The following TTC17 variants were observed in gnomAD, a reference collection of about 807,000 sequenced individuals.
TTC17 encodes tetratricopeptide repeat protein 17.
Under a neutral mutation model 143.8 loss-of-function variants are expected in TTC17, and 58 were observed. The ratio of observed to expected loss-of-function variants is 0.40; its 90% CI spans 0.33 to 0.50. TTC17 has a LOEUF of 0.50. Ranked by LOEUF, TTC17 falls within the 20% of genes least tolerant of loss-of-function variation. The probability of loss-of-function intolerance (pLI) is 0.49; values close to 1 mark genes in which losing one functional copy is unlikely to be tolerated. For synonymous variants in TTC17, 501 were observed against 497.8 expected, an observed-to-expected ratio of 1.01 and a Z score of -0.09; for missense variants, 1,273 against 1,392.5, an observed-to-expected ratio of 0.91 and a Z score of 1.37.
Position 43,404,083 on chromosome 11 carries a change from A to G in TTC17, c.1418A>G (p.Lys473Arg), listed in dbSNP as rs762397394. 10 of 1,613,374 alleles carry G rather than the reference A, an allele frequency of 6.2e-6. No individual in the cohort carries two copies. Among genetic ancestry groups the G allele is most frequent in the Non-Finnish European group, 7.6e-6 (9 of 1,179,668 alleles). Residue 473 changes from lysine to arginine, a missense_variant, in exon 11 of 24, where the codon AAG becomes AGG. Coordinates refer to ENST00000039989, the MANE Select transcript of TTC17 (RefSeq NM_018259.6). ...SNQSDINDSVKSSPVAHSILW... is the reference protein window; with the variant it reads ...SNQSDINDSVRSSPVAHSILW... ...CAGAGTGATATCAATGATTCGGTCA[A>G]GTCTTCTCCCGTAGCCCATTCTATT...
At chr11:43,388,737 GC>G (rs2134517116) in intron 2 of TTC17, among the ~76,000 whole-genome samples, 1 of 151,782 alleles carries the variant, frequency 6.6e-6, no homozygotes, top group South Asian at 2.1e-4. Context: ...ACTCTGTGAG[GC>G]CAAGGCAGGT....
In TTC17 at chr11:43,429,481, T is replaced by C. The variant is rs527956700; in HGVS notation, c.2252-13844T>C. On this transcript the variant is annotated intron_variant, in intron 16 of 23. Transcript: ENST00000039989. ...GTGCCAAAGTCCCACATGTCACCTGTAGTAAAAGCTTCCTGGTAATATTTT... is the reference window on the plus strand; with the variant it reads ...GTGCCAAAGTCCCACATGTCACCTGCAGTAAAAGCTTCCTGGTAATATTTT... Among the ~76,000 whole-genome samples, 27 of 152,322 alleles carry C rather than the reference T, an allele frequency of 1.8e-4. No individual in the cohort carries two copies. In the South Asian group the frequency reaches 4.1e-3, roughly 23 times the overall value.
intron 23 of TTC17, among the ~76,000 whole-genome samples, chr11:43,492,743 G>C (rs1948496129): frequency 6.6e-6 from 1 of 152,192 alleles, no homozygotes; most frequent in Non-Finnish European, 1.5e-5. Flanking sequence ...TAGTTTCATG[G>C]AATACCATTT....
intron 1 of TTC17, among the ~76,000 whole-genome samples, chr11:43,366,085 A>G (rs2134438016): frequency 1.3e-5 from 2 of 151,462 alleles, no homozygotes; most frequent in South Asian, 2.1e-4. Flanking sequence ...GGTTCAAGCA[A>G]TTTTTCTGCC....
chr11:43,410,483 T>A (rs1281232888), intron 15 of TTC17, among the ~76,000 whole-genome samples: 1 of 152,220 alleles, frequency 6.6e-6, no homozygotes, highest in Middle Eastern at 3.2e-3. Context: ...ATTTTATAGT[T>A]TTAGGCTTTA....
intron 21 of TTC17, among the ~76,000 whole-genome samples, chr11:43,472,376 G>A (rs890630091): frequency 6.6e-6 from 1 of 152,068 alleles, no homozygotes; most frequent in South Asian, 2.1e-4. Context: ...GCAAATACAA[G>A]TAAAAAGGAA....
In TTC17 at chr11:43,447,822, A is replaced by G. The variant is rs73530631; in HGVS notation, c.2666-180A>G. 319 of 632,728 alleles carry G rather than the reference A, an allele frequency of 5.0e-4. 1 individual carries two copies. The African/African-American group carries it at 5.4e-3, about 11-fold the overall frequency. 39.2% of individuals were successfully genotyped at this position (632,728 alleles called of 1,614,324 possible). On this transcript the variant is annotated intron_variant, in intron 18 of 23. Transcript: ENST00000039989. ...CTATCTTTACTCAGAGATGATCTTT[A>G]GTTCCATTGCATAATGACGAGATTT... is the stretch of plus-strand genomic sequence containing the variant.
At chr11:43,399,439 G>A (rs1369854621) in intron 8 of TTC17, among the ~76,000 whole-genome samples, 1 of 152,164 alleles carries the variant, frequency 6.6e-6, no homozygotes, top group East Asian at 1.9e-4. Flanking sequence ...CTGAGGCAGG[G>A]TGGAGGGGAG....
intron 21 of TTC17, among the ~76,000 whole-genome samples, chr11:43,474,887 C>T (rs1250980120): frequency 6.6e-6 from 1 of 152,054 alleles, no homozygotes; most frequent in African/African-American, 2.4e-5. Context: ...ATTTACTGTT[C>T]ATTAAGTGGA....
intron 1 of TTC17, among the ~76,000 whole-genome samples, chr11:43,359,549 T>C (rs1856010609): frequency 6.6e-6 from 1 of 152,206 alleles, no homozygotes; most frequent in African/African-American, 2.4e-5. Flanking sequence ...GTATGACAGC[T>C]TCTGGACCCC....
chr11:43,447,870 A>G (rs888492352), intron 18 of TTC17, 132 bp from the exon 19 acceptor site: 10 of 1,084,460 alleles, frequency 9.2e-6, no homozygotes, highest in Non-Finnish European at 1.3e-5. Context: ...AGATGGGGGA[A>G]ATGTTAAAGA....
intron 1 of TTC17, among the ~76,000 whole-genome samples, chr11:43,372,460 A>G (rs999942030): frequency 6.7e-5 from 10 of 149,086 alleles, no homozygotes; most frequent in Admixed American, 6.7e-4. Context: ...CTACCACCAC[A>G]TCCAGCTAAC....
intron 6 of TTC17, 22 bp downstream of exon 6, chr11:43,396,840 A>G (rs1382634643): frequency 6.6e-7 from 1 of 1,508,824 alleles, no homozygotes; most frequent in South Asian, 1.2e-5. Flanking sequence ...CCTCTTCTGG[A>G]CCTGATTTTC....
chr11:43,407,429 T>C lies in TTC17; in HGVS notation c.1916T>C (p.Ile639Thr), dbSNP rs1462426085. Residue 639 changes from isoleucine to threonine, a missense_variant, in exon 15 of 24, where the codon ATT (isoleucine) becomes ACT (threonine). Transcript: ENST00000039989. ...GCAGTAGGAAATAGCACTTTTGCTA[T>C]TGCCTGTCTTCAGAGGGCTTTGAAT... ...WRAVGNSTFAIACLQRALNLA... is the reference protein window; with the variant it reads ...WRAVGNSTFATACLQRALNLA... 1.9e-6 allele frequency: 3 copies of C among 1,613,948 alleles called. No individual in the cohort carries two copies. The highest frequency in any genetic ancestry group is 1.3e-5 in the African/African-American group (1 of 74,932).
intron 1 of TTC17, among the ~76,000 whole-genome samples, chr11:43,376,862 A>G (rs1483041161): frequency 6.6e-6 from 1 of 152,228 alleles, no homozygotes; most frequent in Admixed American, 6.5e-5. Context: ...AACATCATAG[A>G]GTATACTTAA....
chr11:43,434,187 AC>A (rs1448502251), intron 16 of TTC17, among the ~76,000 whole-genome samples: 1 of 54,738 alleles, frequency 1.8e-5, no homozygotes, highest in Non-Finnish European at 4.0e-5. Context: ...ACACACACAC[AC>A]ACACACACAC....
intron 21 of TTC17, among the ~76,000 whole-genome samples, chr11:43,471,510 G>A (rs1290347471): frequency 2.0e-5 from 3 of 152,156 alleles, no homozygotes; most frequent in Non-Finnish European, 4.4e-5. Flanking sequence ...TTGCCAACCA[G>A]CCCAGCTGCA....
intron 21 of TTC17, among the ~76,000 whole-genome samples, chr11:43,457,906 G>A (rs962168016): frequency 1.3e-5 from 2 of 152,028 alleles, no homozygotes. Flanking sequence ...TTGAAGAAAT[G>A]GGCTAGAATG....
At position 43,492,172 on chromosome 11, in the gene TTC17, G is replaced by A; in HGVS notation, c.3294+9G>A. 1 of 1,613,808 alleles carries A rather than the reference G, an allele frequency of 6.2e-7. No individual in the cohort carries two copies. The highest frequency in any genetic ancestry group is 1.1e-5 in the South Asian group (1 of 91,022). On this transcript the variant is annotated intron_variant, in intron 23 of 23. Coordinates refer to ENST00000039989, the MANE Select transcript of TTC17 (RefSeq NM_018259.6). The stretch of plus-strand genomic sequence containing the variant: ...ATGTCTACGTGGCAATGGTGAGATG[G>A]GGGTGTGAGCAGTATGTACCAACTC...
Sources: gnomAD v4.1 joint callset for allele counts (sites outside exome capture counted in the v4.1 genomes callset) on GRCh38, gnomAD v4.1.1 for gene constraint, MANE v1.5 for transcripts, NCBI Gene and HGNC (gene_info 2026-07-23, HGNC 2026-07-21) for gene names.